Variants in RNF2 observed in about 807,000 individuals in gnomAD.
RNF2 encodes the protein E3 ubiquitin-protein ligase RING2.
A neutral mutation model predicts 37.2 loss-of-function variants in RNF2; 6 were observed. The ratio of observed to expected loss-of-function variants is 0.16; its 90% confidence interval spans 0.09 to 0.32. The LOEUF (loss-of-function observed/expected upper bound fraction) is 0.32, where lower values mean the gene tolerates loss of function less well. Among genes scored for constraint, RNF2 ranks in the 10% least tolerant of loss-of-function variants. RNF2 has a pLI of 1.00. For synonymous variants in RNF2, 133 were observed against 132.7 expected (o/e 1.00, Z -0.02); for missense variants, 251 against 404.0 (o/e 0.62, Z 3.25).
At position 185,058,979 on chromosome 1, in the gene RNF2, T is replaced by G. The variant is rs190039039; in HGVS notation, c.-3+13330T>G. ...CCTAAATATTGTGCTAATTTTAGAT[T>G]TATCAGAGCTATAAAACTTCTACTA... On this transcript the variant is annotated intron_variant, in intron 1 of 6. Transcript: ENST00000367510. 3.9e-5 allele frequency among the ~76,000 whole-genome samples: 6 copies of G among 152,344 alleles called. No homozygotes were observed. The East Asian group carries it at 1.2e-3, about 29-fold the overall frequency.
chr1:185,087,059 G>A (rs761787869), intron 1 of RNF2, among the ~76,000 whole-genome samples: 40 of 151,986 alleles, frequency 2.6e-4, no homozygotes, highest in Non-Finnish European at 5.4e-4. Context: ...AAGATTTTGA[G>A]TTTTTCTTCT....
At chr1:185,080,934 T>TTA (rs762174061) in intron 1 of RNF2, among the ~76,000 whole-genome samples, 7 of 152,236 alleles carry the variant, frequency 4.6e-5, no homozygotes, top group Admixed American at 3.3e-4. Context: ...AGGGTCACAG[T>TTA]TACAGGTTGG....
intron 1 of RNF2, among the ~76,000 whole-genome samples, chr1:185,048,534 A>G (rs1011229496): frequency 1.3e-5 from 2 of 152,210 alleles, no homozygotes; most frequent in Non-Finnish European, 2.9e-5. Flanking sequence ...AATGGTGAAA[A>G]GTTATTTTTG....
Position 185,101,832 on chromosome 1 carries a change from G to GTTTTTTTTTTTTTTTTTTT in RNF2, c.*1535_*1553dup, listed in dbSNP as rs768356678. On this transcript the variant is annotated 3_prime_UTR_variant, in exon 7 of 7. Transcript: ENST00000367510. ...AATATTTAAAATCTGTTTTTACAGGGTTTTTTTTTTTTTTTTTTTTTTGTA... is the reference window on the plus strand; with the variant it reads ...AATATTTAAAATCTGTTTTTACAGGGTTTTTTTTTTTTTTTTTTTTTTTTTTTTTTTTTTTTTTTTTGTA... The GTTTTTTTTTTTTTTTTTTT allele has an allele frequency of 2.0e-5, 2 of 97,878 alleles. No homozygotes were observed. The highest frequency in any genetic ancestry group is 8.1e-5 in the African/African-American group (2 of 24,638). 6.1% of individuals were successfully genotyped at this position (97,878 alleles called of 1,614,324 possible).
rs1211644163 is a variant in RNF2 at position 185,079,229 on chromosome 1, C to CT, written c.-2-8316dup. On this transcript the variant is annotated intron_variant, in intron 1 of 6. Transcript: ENST00000367510. ...AGCATTTCTGGTGTTTCGGATATAT[C>CT]TTTTTTTCAGAAGTATAATTAATGA... 3.3e-5 allele frequency among the ~76,000 whole-genome samples: 5 copies of CT among 152,008 alleles called. No homozygotes were observed. In the East Asian group the frequency reaches 5.8e-4, roughly 18 times the overall value.
chr1:185,057,546 C>T (rs1353966095), intron 1 of RNF2, among the ~76,000 whole-genome samples: 1 of 152,038 alleles, frequency 6.6e-6, no homozygotes, highest in East Asian at 1.9e-4. Flanking sequence ...CGTAAGTTTA[C>T]CTTTCCAAGA....
At chr1:185,079,256 C>G (rs1387045544) in intron 1 of RNF2, among the ~76,000 whole-genome samples, 2 of 152,122 alleles carry the variant, frequency 1.3e-5, no homozygotes, top group African/African-American at 4.8e-5. Flanking sequence ...AATTAATGAG[C>G]TGTAACTGGA....
chr1:185,100,140 A>T, intron 6 of RNF2, 60 bp from the exon 7 acceptor site: 1 of 1,372,980 alleles, frequency 7.3e-7, no homozygotes, highest in South Asian at 1.3e-5. Flanking sequence ...TTTTAGTTTC[A>T]TTTCATTATT....
chr1:185,096,834 ATTT>A (rs748099631), intron 4 of RNF2, among the ~76,000 whole-genome samples: 4 of 127,008 alleles, frequency 3.1e-5, no homozygotes, highest in Admixed American at 7.8e-5. Flanking sequence ...TATAAGCAGG[ATTT>A]TTTTTTTTTT....
intron 1 of RNF2, among the ~76,000 whole-genome samples, chr1:185,081,818 C>T (rs1317323884): frequency 1.3e-5 from 2 of 152,090 alleles, no homozygotes; most frequent in Non-Finnish European, 2.9e-5. Flanking sequence ...TTGCAGTTTT[C>T]GGTGCATCTC....
chr1:185,049,648 T>C (rs1048649040), intron 1 of RNF2, among the ~76,000 whole-genome samples: 8 of 148,374 alleles, frequency 5.4e-5, no homozygotes, highest in African/African-American at 1.5e-4. Context: ...GGATTTAATA[T>C]AGGGAGTTGG....
chr1:185,050,936 C>G (rs2102149802), intron 1 of RNF2, among the ~76,000 whole-genome samples: 1 of 152,266 alleles, frequency 6.6e-6, no homozygotes, highest in South Asian at 2.1e-4. Context: ...TTTCAGTTCC[C>G]AAAAATAAAA....
chr1:185,056,419 C>T (rs528717328), intron 1 of RNF2, among the ~76,000 whole-genome samples: 2 of 150,834 alleles, frequency 1.3e-5, no homozygotes, highest in South Asian at 2.1e-4. Flanking sequence ...AGTGCAGTGG[C>T]GTGATCATAG....
intron 1 of RNF2, among the ~76,000 whole-genome samples, chr1:185,056,357 T>C (rs1650433690): frequency 6.6e-6 from 1 of 151,986 alleles, no homozygotes; most frequent in Non-Finnish European, 1.5e-5. Flanking sequence ...TTCTTTTTTT[T>C]TTTTTTCTCA....
chr1:185,066,945 CTT>C (rs1382759011), intron 1 of RNF2, among the ~76,000 whole-genome samples: 1 of 152,064 alleles, frequency 6.6e-6, no homozygotes, highest in Non-Finnish European at 1.5e-5. Flanking sequence ...TTAAAGGAAG[CTT>C]TAAAAATCTT....
chr1:185,100,019 A>G, intron 6 of RNF2, 57 bp downstream of exon 6: 3 of 1,485,870 alleles, frequency 2.0e-6, no homozygotes, highest in Non-Finnish European at 2.8e-6. Flanking sequence ...CAACTAACTG[A>G]GTGGCAAGTG....
At chr1:185,091,541 A>G in intron 2 of RNF2, 38 bp from the exon 3 acceptor site, 1 of 1,600,814 alleles carries the variant, frequency 6.2e-7, no homozygotes, top group East Asian at 2.2e-5. Context: ...ATAATAAAAA[A>G]TTAAGTAGCT....
In RNF2 at chr1:185,101,009, G is replaced by A. The variant is rs2102212524; in HGVS notation, c.*708G>A. On this transcript the variant is annotated 3_prime_UTR_variant, in exon 7 of 7. Coordinates refer to ENST00000367510, the MANE Select transcript of RNF2 (RefSeq NM_007212.4). ...AGAACTTGGTTCATTGACATATTCT[G>A]CTGAAGAAAGAAAAATTAAATTGGT... The A allele has an allele frequency of 6.6e-6, 1 of 152,242 alleles. No individual in the cohort carries two copies. The highest frequency in any genetic ancestry group is 1.5e-5 in the Non-Finnish European group (1 of 67,904). 9.4% of individuals were successfully genotyped at this position (152,242 alleles called of 1,614,324 possible).
At chr1:185,061,188 C>T (rs533465618) in intron 1 of RNF2, among the ~76,000 whole-genome samples, 4 of 146,666 alleles carry the variant, frequency 2.7e-5, no homozygotes, top group Non-Finnish European at 4.5e-5. Context: ...AGTGCAGTGG[C>T]GGGATCTCGG....
Sources: gnomAD v4.1 joint callset for allele counts (sites outside exome capture counted in the v4.1 genomes callset) on GRCh38, gnomAD v4.1.1 for gene constraint, MANE v1.5 for transcripts, NCBI Gene and HGNC (gene_info 2026-07-23, HGNC 2026-07-21) for gene names.